PDE4B: variants seen among roughly 807,000 people sequenced by gnomAD.
The protein encoded by PDE4B is 3',5'-cyclic-AMP phosphodiesterase 4B.
A neutral mutation model predicts 82.2 loss-of-function variants in PDE4B; 20 were observed. The observed-to-expected ratio is 0.24, with a 90% CI of 0.17 to 0.35. The LOEUF (loss-of-function observed/expected upper bound fraction) is 0.35, where lower values mean the gene tolerates loss of function less well. Among genes scored for constraint, PDE4B ranks in the 10% least tolerant of loss-of-function variants. The probability of loss-of-function intolerance (pLI) is 1.00; values close to 1 mark genes in which losing one functional copy is unlikely to be tolerated. For missense variants in PDE4B, 655 were observed against 907.2 expected, an observed-to-expected ratio of 0.72 and a Z score of 3.57; for synonymous variants, 320 against 318.9, an observed-to-expected ratio of 1.00 and a Z score of -0.04.
intron 3 of PDE4B, among the ~76,000 whole-genome samples, chr1:66,201,733 T>C (rs1198079059): frequency 2.0e-5 from 3 of 152,028 alleles, no homozygotes; most frequent in Admixed American, 2.0e-4. Context: ...GATTCTTCTC[T>C]CTTTTCTTCT....
At chr1:66,372,283 T>TG in intron 16 of PDE4B, 30 bp from the exon 17 acceptor site, 2 of 1,572,956 alleles carry the variant, frequency 1.3e-6, no homozygotes, top group Non-Finnish European at 1.7e-6. Context: ...ACCATCACAA[T>TG]AACAGATGTG....
intron 3 of PDE4B, among the ~76,000 whole-genome samples, chr1:66,088,987 A>G (rs1285852380): frequency 1.3e-4 from 20 of 152,140 alleles, no homozygotes; most frequent in Non-Finnish European, 4.4e-5. Flanking sequence ...GACCCACATT[A>G]GACACGTAGT....
At chr1:65,828,230 A>G (rs547896850) in intron 1 of PDE4B, among the ~76,000 whole-genome samples, 78 of 152,226 alleles carry the variant, frequency 5.1e-4, no homozygotes, top group Non-Finnish European at 8.1e-4. Flanking sequence ...AAAGTATAAT[A>G]AAATATTTTC....
At chr1:66,358,742 C>T (rs1247259512) in intron 9 of PDE4B, among the ~76,000 whole-genome samples, 1 of 150,948 alleles carries the variant, frequency 6.6e-6, no homozygotes, top group Non-Finnish European at 1.5e-5. Flanking sequence ...ACCATGGCAA[C>T]CACCTCAGTG....
In PDE4B at chr1:65,798,328, G is replaced by A. The variant is rs1324248545; in HGVS notation, c.-71+5080G>A. 1.5e-4 allele frequency among the ~76,000 whole-genome samples: 10 copies of A among 67,204 alleles called. 3 individuals carry two copies. The Admixed American group carries it at 1.5e-3, about 10-fold the overall frequency. 44.1% of individuals were successfully genotyped at this position (67,204 alleles called of 152,430 possible). A position where few individuals can be genotyped will look rare whatever the true frequency, so the allele number is the denominator to read the frequency against. ...CTGCGGACTGCAGTGGCGCAATCTCGGCTCACTGCAAGCTCCGCTTCCCGG... is the reference window on the plus strand; with the variant it reads ...CTGCGGACTGCAGTGGCGCAATCTCAGCTCACTGCAAGCTCCGCTTCCCGG... On this transcript the variant is annotated intron_variant, in intron 1 of 16. Transcript: ENST00000341517.
chr1:66,105,738 T>C (rs1451360466), intron 3 of PDE4B, among the ~76,000 whole-genome samples: 1 of 152,124 alleles, frequency 6.6e-6, no homozygotes, highest in Non-Finnish European at 1.5e-5. Flanking sequence ...TGGCTCTCTG[T>C]TTGTCTGTTA....
At chr1:66,340,690 C>T (rs1247631181) in intron 8 of PDE4B, among the ~76,000 whole-genome samples, 5 of 151,908 alleles carry the variant, frequency 3.3e-5, no homozygotes, top group African/African-American at 1.2e-4. Context: ...TAACTTTAAG[C>T]AATTATAAAA....
intron 3 of PDE4B, among the ~76,000 whole-genome samples, chr1:66,049,079 A>T (rs1654876098): frequency 6.6e-6 from 1 of 152,020 alleles, no homozygotes; most frequent in East Asian, 1.9e-4. Context: ...ACTTTTAAAT[A>T]TTTATTAATT....
intron 1 of PDE4B, among the ~76,000 whole-genome samples, chr1:65,866,757 C>T (rs1016437518): frequency 1.3e-5 from 2 of 152,122 alleles, no homozygotes; most frequent in African/African-American, 4.8e-5. Context: ...AAGAACCCTG[C>T]TGGAGAAATG....
At position 66,142,538 on chromosome 1, in the gene PDE4B, A is replaced by T. The variant is rs1570331440; in HGVS notation, c.282-104922A>T. ...TTTTTGACAGAATGCAGTGTTAGAA[A>T]GCAAGCATAATAGAGTTCATTTACA... On this transcript the variant is annotated intron_variant, in intron 3 of 16. Coordinates refer to ENST00000341517, the MANE Select transcript of PDE4B (RefSeq NM_002600.4). 2.6e-5 allele frequency among the ~76,000 whole-genome samples: 4 copies of T among 152,328 alleles called. No homozygotes were observed. In the Middle Eastern group the frequency reaches 0.01, roughly 389 times the overall value.
chr1:65,838,776 T>C (rs891647219), intron 1 of PDE4B, among the ~76,000 whole-genome samples: 1 of 151,896 alleles, frequency 6.6e-6, no homozygotes, highest in African/African-American at 2.4e-5. Context: ...TTCTTTTTCC[T>C]TTAATAAGAA....
chr1:65,918,492 C>A, intron 2 of PDE4B, 105 bp from the exon 3 acceptor site: 1 of 683,326 alleles, frequency 1.5e-6, no homozygotes, highest in South Asian at 1.8e-5. Flanking sequence ...ATAATCAGGA[C>A]ATCATAAGTG....
chr1:66,044,188 G>C (rs1396776843), intron 3 of PDE4B, among the ~76,000 whole-genome samples: 1 of 151,598 alleles, frequency 6.6e-6, no homozygotes, highest in African/African-American at 2.4e-5. Context: ...ATTTAGGATC[G>C]AATCCTAGGT....
At chr1:66,029,465 C>G (rs1653637028) in intron 3 of PDE4B, among the ~76,000 whole-genome samples, 1 of 152,102 alleles carries the variant, frequency 6.6e-6, no homozygotes, top group African/African-American at 2.4e-5. Flanking sequence ...TGAGTTGAAA[C>G]AGTTTGAGAT....
At chr1:66,242,711 G>T (rs1363765735) in intron 3 of PDE4B, among the ~76,000 whole-genome samples, 2 of 152,008 alleles carry the variant, frequency 1.3e-5, no homozygotes, top group Non-Finnish European at 2.9e-5. Flanking sequence ...AAGGTTTCAT[G>T]GTACACCTTG....
intron 7 of PDE4B, among the ~76,000 whole-genome samples, chr1:66,304,638 G>A (rs1041875731): frequency 3.3e-5 from 5 of 152,052 alleles, no homozygotes; most frequent in African/African-American, 1.2e-4. Flanking sequence ...ACATAGAGGG[G>A]TCATATCAGA....
chr1:66,249,869 AC>A (rs1429914605), intron 4 of PDE4B, among the ~76,000 whole-genome samples: 1 of 152,272 alleles, frequency 6.6e-6, no homozygotes, highest in Non-Finnish European at 1.5e-5. Context: ...ACATAATACC[AC>A]CCTATCAAAA....
chr1:66,195,410 A>G (rs552882471), intron 3 of PDE4B, among the ~76,000 whole-genome samples: 1 of 152,298 alleles, frequency 6.6e-6, no homozygotes, highest in African/African-American at 2.4e-5. Context: ...TAAGTACTTG[A>G]CCTTCTTTCA....
intron 7 of PDE4B, among the ~76,000 whole-genome samples, chr1:66,289,704 TTATA>T (rs35797677): frequency 1.1e-4 from 16 of 148,230 alleles, no homozygotes; most frequent in Non-Finnish European, 1.3e-4. Flanking sequence ...AGAGAAAATG[TTATA>T]TATATATATA....
Sources: gnomAD v4.1 joint callset for allele counts (sites outside exome capture counted in the v4.1 genomes callset) on GRCh38, gnomAD v4.1.1 for gene constraint, MANE v1.5 for transcripts, NCBI Gene and HGNC (gene_info 2026-07-23, HGNC 2026-07-21) for gene names.